Variants in WDR19 observed in about 807,000 individuals in gnomAD.
The protein encoded by WDR19 is WD repeat domain 19, also known as WD repeat-containing protein 19.
WDR19 carries 121 observed loss-of-function variants against 180.0 expected under a neutral mutation model. The observed-to-expected ratio is 0.67, with a 90% CI of 0.58 to 0.78. The LOEUF (loss-of-function observed/expected upper bound fraction) is 0.78. WDR19 is among the 30% of genes least tolerant of loss of function. The pLI is 0.00. For synonymous variants in WDR19, 497 were observed against 540.7 expected, an observed-to-expected ratio of 0.92 and a Z score of 1.12; for missense variants, 1,450 against 1,640.7, an observed-to-expected ratio of 0.88 and a Z score of 2.01.
At chr4:39,278,051 CAAAAAA>C in intron 34 of WDR19, 74 bp from the exon 35 acceptor site, 1 of 1,106,386 alleles carries the variant, frequency 9.0e-7, no homozygotes, top group South Asian at 1.5e-5. Flanking sequence ...AAGATTCCGT[CAAAAAA>C]AAAAAAAAAA....
intron 15 of WDR19, 28 bp downstream of exon 15, chr4:39,225,061 A>G: frequency 6.8e-7 from 1 of 1,478,512 alleles, no homozygotes; most frequent in Non-Finnish European, 9.0e-7. Flanking sequence ...TTAAATGTTT[A>G]TTTTTTGAAA....
Position 39,244,329 on chromosome 4 carries a change from C to G in WDR19, c.2503C>G (p.Leu835Val), listed in dbSNP as rs376711429. Residue 835 changes from leucine (L) to valine (V), a missense_variant, in exon 22 of 37, where the codon CTC becomes GTC. By Grantham distance (32) the Leu-to-Val change is conservative (BLOSUM62 1). Coordinates refer to ENST00000399820, the MANE Select transcript of WDR19 (RefSeq NM_025132.4). ...CATACGTCGAGGGGTTAACCAAGCC[C>G]TCAAGCATCCCAGCAGGGTCCTTAA... ...GDIRRGVNQA[L>V]KHPSRVLKRD... 3 of 1,613,824 alleles carry G rather than the reference C, an allele frequency of 1.9e-6. No individual in the cohort carries two copies. Among genetic ancestry groups the G allele is most frequent in the Middle Eastern group, 1.6e-4 (1 of 6,082 alleles).
At position 39,228,553 on chromosome 4, in the gene WDR19, T is replaced by C. The variant is rs727504221; in HGVS notation, c.1845T>C (p.Asn615=). The stretch of plus-strand genomic sequence containing the variant: ...CTCATAAACCTTTGCTGCTATATAA[T>C]GGAGAGCTGACCTGCCAAACACAGA... ...PFAHKPLLLY[N]GELTCQTQSG... The change falls in exon 17 of 37, where the codon AAT becomes AAC. Residue 615 remains asparagine (N), a synonymous_variant. Transcript: ENST00000399820. 3 of 1,613,962 alleles carry C rather than the reference T, an allele frequency of 1.9e-6. No homozygotes were observed. The highest frequency in any genetic ancestry group is 2.5e-6 in the Non-Finnish European group (3 of 1,179,844).
intron 36 of WDR19, 36 bp from the exon 37 acceptor site, chr4:39,285,451 C>T (rs945568475): frequency 6.6e-6 from 1 of 152,166 alleles, no homozygotes; most frequent in Non-Finnish European, 1.5e-5. Context: ...TACTTGAAAC[C>T]CTTCTAGAGG....
rs146304670 is a variant in WDR19 at position 39,284,932 on chromosome 4, G to A, written c.*14-555G>A. 4.6e-4 allele frequency among the ~76,000 whole-genome samples: 70 copies of A among 152,104 alleles called. 1 individual carries two copies. The highest frequency in any genetic ancestry group is 1.6e-3 in the African/African-American group (66 of 41,494). ...AGGCGCAGAACCTGTGGCCATAGTC[G>A]CAGCTACTCAGGAGGCTGAGGCATG... On this transcript the variant is annotated intron_variant, in intron 36 of 36. Transcript: ENST00000399820.
Position 39,199,560 on chromosome 4 carries a change from A to G in WDR19, c.489A>G (p.Thr163=), listed in dbSNP as rs1727154609. 6.2e-7 allele frequency: 1 copy of G among 1,613,244 alleles called. No individual in the cohort carries two copies. The highest frequency in any genetic ancestry group is 8.5e-7 in the Non-Finnish European group (1 of 1,179,440). ...LALGGEDKMI[T]VSNQEGDTIR... ...TAGGTGGTGAAGATAAAATGATTAC[A>G]GTTAGTAATCAGGAAGGTGACACGA... Residue 163 remains threonine (T), a synonymous_variant, in exon 6 of 37, where the codon ACA becomes ACG. Coordinates refer to ENST00000399820, the MANE Select transcript of WDR19 (RefSeq NM_025132.4).
In WDR19 at chr4:39,185,719, T is replaced by A. The variant is rs562886871; in HGVS notation, c.7-7T>A. On this transcript the variant is annotated splice_polypyrimidine_tract_variant and splice_region_variant and intron_variant, in intron 1 of 36. Transcript: ENST00000399820. ...TGAAAATATTAAAAATTGTGTTTAT[T>A]TTTTAGCGTATTTTCTCACTGCTAG... 3.2e-6 allele frequency: 5 copies of A among 1,552,178 alleles called. No homozygotes were observed. In the African/African-American group the frequency reaches 5.5e-5, roughly 17 times the overall value.
intron 5 of WDR19, 122 bp downstream of exon 5, chr4:39,194,781 T>A (rs1726548865): frequency 6.1e-6 from 4 of 660,792 alleles, no homozygotes; most frequent in Non-Finnish European, 7.9e-6. Flanking sequence ...CCTCCCCATG[T>A]CCCTCCGCAA....
chr4:39,282,728 C>T (rs974860598), intron 36 of WDR19, among the ~76,000 whole-genome samples: 6 of 152,042 alleles, frequency 3.9e-5, no homozygotes, highest in Admixed American at 1.3e-4. Context: ...AGAAGTCTTT[C>T]GTGTCTTTTG....
At position 39,276,141 on chromosome 4, in the gene WDR19, G is replaced by A. The variant is rs79533765; in HGVS notation, c.3717-879G>A. Among the ~76,000 whole-genome samples, 648 of 152,232 alleles carry A rather than the reference G, an allele frequency of 4.3e-3. 4 individuals carry two copies. The highest frequency in any genetic ancestry group is 0.015 in the African/African-American group (612 of 41,526). On this transcript the variant is annotated intron_variant, in intron 33 of 36. Transcript: ENST00000399820. ...ATCTTGGATCCAGACCTTAGCCCAG[G>A]GAGATGACTGGATTGGTAATGACAA...
chr4:39,241,642 C>CA (rs2109398039), intron 21 of WDR19, among the ~76,000 whole-genome samples: 1 of 151,396 alleles, frequency 6.6e-6, no homozygotes, highest in South Asian at 2.1e-4. Context: ...AATAAAAATA[C>CA]AAAATTAGCC....
In WDR19 at chr4:39,270,109, C is replaced by T. The variant is rs1406503331; in HGVS notation, c.3483+9C>T. On this transcript the variant is annotated intron_variant, in intron 31 of 36. Coordinates refer to ENST00000399820, the MANE Select transcript of WDR19 (RefSeq NM_025132.4). ...GCTATATACTAGTAAAGGTGAGGCC[C>T]ATGGAGTGACTTGGGACATAACCTG... 2.5e-6 allele frequency: 4 copies of T among 1,613,372 alleles called. 1 individual carries two copies. The highest frequency in any genetic ancestry group is 2.2e-5 in the South Asian group (2 of 90,910).
intron 19 of WDR19, among the ~76,000 whole-genome samples, chr4:39,232,524 C>G (rs1287885947): frequency 6.6e-6 from 1 of 152,036 alleles, no homozygotes; most frequent in African/African-American, 2.4e-5. Flanking sequence ...ACTCAGGAGG[C>G]TGAGACAGGA....
intron 17 of WDR19, among the ~76,000 whole-genome samples, chr4:39,230,896 G>A (rs867624290): frequency 6.6e-5 from 10 of 152,248 alleles, no homozygotes; most frequent in South Asian, 2.1e-4. Context: ...ACCAGAGGTC[G>A]GAAAACCTTT....
intron 5 of WDR19, among the ~76,000 whole-genome samples, chr4:39,195,391 C>CAAA (rs761488634): frequency 1.4e-4 from 18 of 132,746 alleles, no homozygotes; most frequent in Admixed American, 1.3e-3. Context: ...AAAAAACAAA[C>CAAA]AAACAAAAAA....
chr4:39,251,832 G>T (rs931664801), intron 24 of WDR19, among the ~76,000 whole-genome samples: 3 of 152,102 alleles, frequency 2.0e-5, no homozygotes, highest in Non-Finnish European at 4.4e-5. Context: ...CAGTTAGAAT[G>T]GCGATCATTA....
At chr4:39,201,983 G>A (rs1364943737) in intron 6 of WDR19, among the ~76,000 whole-genome samples, 1 of 152,040 alleles carries the variant, frequency 6.6e-6, no homozygotes, top group Non-Finnish European at 1.5e-5. Flanking sequence ...AGATCACTAT[G>A]GTGTTACTTG....
intron 9 of WDR19, chr4:39,205,987 G>A: frequency 2.8e-6 from 1 of 363,530 alleles, no homozygotes; most frequent in Admixed American, 4.2e-5. Flanking sequence ...GTCTCCCACT[G>A]AGTACAGCTA....
intron 26 of WDR19, among the ~76,000 whole-genome samples, chr4:39,255,020 C>T (rs1221935905): frequency 6.6e-6 from 1 of 152,072 alleles, no homozygotes; most frequent in Non-Finnish European, 1.5e-5. Context: ...GATGCTTTGG[C>T]TTCCCAAATG....
Sources: gnomAD v4.1 joint callset for allele counts (sites outside exome capture counted in the v4.1 genomes callset) on GRCh38, gnomAD v4.1.1 for gene constraint, MANE v1.5 for transcripts, NCBI Gene and HGNC (gene_info 2026-07-23, HGNC 2026-07-21) for gene names.